The following RANBP9 variants were observed in gnomAD, a reference collection of about 807,000 sequenced individuals.
RANBP9 encodes ran-binding protein 9.
Under a neutral mutation model 84.3 loss-of-function variants are expected in RANBP9, and 15 were observed. The observed-to-expected ratio is 0.18, with a 90% CI of 0.12 to 0.27. The LOEUF (loss-of-function observed/expected upper bound fraction) is 0.27, where lower values mean the gene tolerates loss of function less well. Among genes scored for constraint, RANBP9 ranks in the 10% least tolerant of loss-of-function variants. RANBP9 has a pLI of 1.00. For missense variants in RANBP9, 809 were observed against 912.8 expected (o/e 0.89, Z 1.46); for synonymous variants, 392 against 349.6 (o/e 1.12, Z -1.35).
At chr6:13,627,015 A>G (rs896741730) in intron 12 of RANBP9, among the ~76,000 whole-genome samples, 4 of 152,240 alleles carry the variant, frequency 2.6e-5, no homozygotes, top group African/African-American at 9.6e-5. Flanking sequence ...GCAAACACAC[A>G]TGGCTCCTCC....
At position 13,685,940 on chromosome 6, in the gene RANBP9, A is replaced by T. The variant is rs866347985; in HGVS notation, c.683+10845T>A. Among the ~76,000 whole-genome samples the T allele has an allele frequency of 6.6e-5, 10 of 152,180 alleles. No homozygotes were observed. In the South Asian group the frequency reaches 2.1e-3, roughly 32 times the overall value. ...GCGAGACTCTGTCTCAAAAAAAAAA[A>T]AAAGAGTATAACTAAGCTTAAAATA... On this transcript the variant is annotated intron_variant, in intron 2 of 13. Coordinates refer to ENST00000011619, the MANE Select transcript of RANBP9 (RefSeq NM_005493.3).
At position 13,696,853 on chromosome 6, in the gene RANBP9, C is replaced by A. The variant is rs1179391643; in HGVS notation, c.615G>T (p.Thr205=). Residue 205 remains threonine, a synonymous_variant, in exon 2 of 14, where the codon ACG becomes ACT. Transcript: ENST00000011619. Reference sequence around the variant, plus strand: ...TCCCACAGGCTGCTGGTATTGGATGCGTGGCTCGAACTGACGCGGCATCTT... The same window carrying A: ...TCCCACAGGCTGCTGGTATTGGATGAGTGGCTCGAACTGACGCGGCATCTT... ...TPKDAASVRA[T]HPIPAACGIY... The A allele has an allele frequency of 6.2e-7, 1 of 1,613,062 alleles. No homozygotes were observed. Among genetic ancestry groups the A allele is most frequent in the Non-Finnish European group, 8.5e-7 (1 of 1,179,416 alleles).
chr6:13,697,148 T>C, intron 1 of RANBP9, among the ~76,000 whole-genome samples: 1 of 152,216 alleles, frequency 6.6e-6, no homozygotes, highest in Non-Finnish European at 1.5e-5. Flanking sequence ...AAATTGAACC[T>C]AGCAGCCTTT....
At chr6:13,632,315 C>T (rs1764809695) in intron 12 of RANBP9, 55 bp downstream of exon 12, 1 of 1,557,372 alleles carries the variant, frequency 6.4e-7, no homozygotes, top group African/African-American at 1.4e-5. Flanking sequence ...TTTCACAAAA[C>T]TACATTTTAG....
At chr6:13,653,628 C>T (rs1483862460) in intron 4 of RANBP9, among the ~76,000 whole-genome samples, 12 of 152,062 alleles carry the variant, frequency 7.9e-5, no homozygotes, top group Non-Finnish European at 1.8e-4. Flanking sequence ...TCTCTTCCTA[C>T]TTGACATTTT....
At position 13,632,530 on chromosome 6, in the gene RANBP9, A is replaced by C. The variant is rs903395132; in HGVS notation, c.1796-9T>G. 2 of 1,608,194 alleles carry C rather than the reference A, an allele frequency of 1.2e-6. No homozygotes were observed. Among genetic ancestry groups the C allele is most frequent in the Non-Finnish European group, 1.7e-6 (2 of 1,174,828 alleles). ...CTGACTTGAATCAACTTCTGTAAGA[A>C]AAACAGACAAGTATTTTACTACCTT... is the stretch of plus-strand genomic sequence containing the variant. On this transcript the variant is annotated splice_polypyrimidine_tract_variant and intron_variant, in intron 11 of 13. Transcript: ENST00000011619.
At chr6:13,675,992 A>C (rs1765877943) in intron 2 of RANBP9, among the ~76,000 whole-genome samples, 1 of 152,088 alleles carries the variant, frequency 6.6e-6, no homozygotes, top group Non-Finnish European at 1.5e-5. Context: ...TAAATCAATA[A>C]TTAATAACCT....
At chr6:13,709,605 A>G (rs1255840236) in intron 1 of RANBP9, among the ~76,000 whole-genome samples, 2 of 152,264 alleles carry the variant, frequency 1.3e-5, no homozygotes, top group East Asian at 1.9e-4. Flanking sequence ...GATATTGTGA[A>G]TGAAACGTTC....
intron 5 of RANBP9, 91 bp from the exon 6 acceptor site, chr6:13,644,820 A>G: frequency 3.9e-6 from 4 of 1,030,418 alleles, no homozygotes; most frequent in Non-Finnish European, 4.0e-6. Context: ...ATAGAACTAT[A>G]AATTTACTTC....
At position 13,648,141 on chromosome 6, in the gene RANBP9, G is replaced by GTTTTTTTTTTTT. The variant is rs375219477; in HGVS notation, c.928-3424_928-3413dup. Among the ~76,000 whole-genome samples, 15 of 80,672 alleles carry GTTTTTTTTTTTT rather than the reference G, an allele frequency of 1.9e-4. 1 individual carries two copies. Among genetic ancestry groups the GTTTTTTTTTTTT allele is most frequent in the Admixed American group, 3.2e-4 (2 of 6,172 alleles). The allele number at this position is 80,672 out of a possible 152,430, so 52.9% of individuals were successfully genotyped here. The stretch of plus-strand genomic sequence containing the variant: ...CAAAATATGTGATCTTATATGACTG[G>GTTTTTTTTTTTT]TTTTTTTTTTTTTTTTTTTTTTTTT... On this transcript the variant is annotated intron_variant, in intron 5 of 13. Transcript: ENST00000011619.
At position 13,659,257 on chromosome 6, in the gene RANBP9, TACACACAC is replaced by T. The variant is rs60255234; in HGVS notation, c.684-433_684-426del. 8.6e-3 allele frequency among the ~76,000 whole-genome samples: 1,120 copies of T among 130,646 alleles called. 13 individuals are homozygous for T. Among genetic ancestry groups the T allele is most frequent in the African/African-American group, 0.027 (950 of 35,378 alleles). 85.7% of individuals were successfully genotyped at this position (130,646 alleles called of 152,430 possible). A position where few individuals can be genotyped will look rare whatever the true frequency, so the allele number is the denominator to read the frequency against. ...AATTTAGACCCCACACACACACACA[TACACACAC>T]ACACACACACACACACACACACACA... On this transcript the variant is annotated intron_variant, in intron 2 of 13. Transcript: ENST00000011619.
intron 3 of RANBP9, among the ~76,000 whole-genome samples, chr6:13,658,030 T>TA (rs1765447955): frequency 6.6e-6 from 1 of 152,174 alleles, no homozygotes; most frequent in African/African-American, 2.4e-5. Context: ...TTAGAAGACA[T>TA]AATCCAAGAA....
intron 2 of RANBP9, among the ~76,000 whole-genome samples, chr6:13,672,791 T>C (rs1211595109): frequency 1.3e-5 from 2 of 151,378 alleles, no homozygotes; most frequent in African/African-American, 4.9e-5. Context: ...CAAAACAAAA[T>C]GCTAGAAATA....
At chr6:13,694,710 ATCTCATGCC>A (rs1376725808) in intron 2 of RANBP9, among the ~76,000 whole-genome samples, 1 of 152,330 alleles carries the variant, frequency 6.6e-6, no homozygotes, top group African/African-American at 2.4e-5. Context: ...ACATGATAAA[ATCTCATGCC>A]ATTGGATTCA....
intron 1 of RANBP9, among the ~76,000 whole-genome samples, chr6:13,708,551 C>T (rs150398997): frequency 6.6e-6 from 1 of 152,260 alleles, no homozygotes; most frequent in Non-Finnish European, 1.5e-5. Context: ...TAATTAAAAT[C>T]ATTCTTTTGA....
At chr6:13,702,502 A>G (rs1757999993) in intron 1 of RANBP9, among the ~76,000 whole-genome samples, 1 of 152,218 alleles carries the variant, frequency 6.6e-6, no homozygotes, top group African/African-American at 2.4e-5. Flanking sequence ...GGACTAATAT[A>G]ATATAGTATT....
At chr6:13,705,406 CAA>C (rs774239782) in intron 1 of RANBP9, among the ~76,000 whole-genome samples, 334 of 26,692 alleles carry the variant, frequency 0.013, 1 homozygote, top group African/African-American at 0.038. Context: ...GATTCTGTCT[CAA>C]AAAAAAAAAA....
chr6:13,638,741 A>G (rs1764996613), intron 9 of RANBP9, among the ~76,000 whole-genome samples: 1 of 152,136 alleles, frequency 6.6e-6, no homozygotes, highest in South Asian at 2.1e-4. Flanking sequence ...AGAGAATTTT[A>G]ATTAAGAGAA....
At chr6:13,647,946 G>C (rs1196718286) in intron 5 of RANBP9, among the ~76,000 whole-genome samples, 1 of 151,932 alleles carries the variant, frequency 6.6e-6, no homozygotes, top group Non-Finnish European at 1.5e-5. Context: ...TATGTTCACA[G>C]AACTGTGCAA....
Sources: gnomAD v4.1 joint callset for allele counts (sites outside exome capture counted in the v4.1 genomes callset) on GRCh38, gnomAD v4.1.1 for gene constraint, MANE v1.5 for transcripts, NCBI Gene and HGNC (gene_info 2026-07-23, HGNC 2026-07-21) for gene names.